The following THSD7B variants were observed in gnomAD, a reference collection of about 807,000 sequenced individuals.
The protein encoded by THSD7B is thrombospondin type 1 domain containing 7B.
Under a neutral mutation model 213.6 loss-of-function variants are expected in THSD7B, and 138 were observed. The observed-to-expected ratio is 0.65, with a 90% CI of 0.56 to 0.74. The LOEUF (loss-of-function observed/expected upper bound fraction) is 0.74. Among genes scored for constraint, THSD7B ranks in the 30% least tolerant of loss-of-function variants. The pLI is 0.00. For missense variants in THSD7B, 1,931 were observed against 1,991.5 expected, an observed-to-expected ratio of 0.97 and a Z score of 0.58; for synonymous variants, 742 against 687.0, an observed-to-expected ratio of 1.08 and a Z score of -1.25.
At chr2:137,038,600 G>C (rs1686821018) in intron 2 of THSD7B, among the ~76,000 whole-genome samples, 1 of 152,226 alleles carries the variant, frequency 6.6e-6, no homozygotes, top group African/African-American at 2.4e-5. Context: ...TTGTGTTTCT[G>C]TGGGGAAGAT....
In THSD7B at chr2:137,057,022, T is replaced by C. The variant is rs1342628643; in HGVS notation, c.742T>C (p.Trp248Arg). Residue 248 changes from tryptophan (W) to arginine (R), a missense_variant, in exon 3 of 28, where the codon TGG (tryptophan) becomes CGG (arginine). Transcript: ENST00000409968. ...TACATTTAGCCTTAAGGTTGGACCA[T>C]GGAGTAAATGCAGACTGCCTCATCT... ...EYTFSLKVGP[W>R]SKCRLPHLKE... 1.2e-6 allele frequency: 2 copies of C among 1,613,968 alleles called. No homozygotes were observed. Among genetic ancestry groups the C allele is most frequent in the Non-Finnish European group, 8.5e-7 (1 of 1,179,886 alleles).
chr2:137,520,653 C>A (rs1680167800), intron 15 of THSD7B, among the ~76,000 whole-genome samples: 2 of 152,212 alleles, frequency 1.3e-5, no homozygotes, highest in Non-Finnish European at 1.5e-5. Context: ...ACAAGCTCTT[C>A]AATTGCTTTC....
In THSD7B at chr2:137,616,319, A is replaced by G; in HGVS notation, c.3565+3A>G. 2 of 1,612,306 alleles carry G rather than the reference A, an allele frequency of 1.2e-6. No homozygotes were observed. The highest frequency in any genetic ancestry group is 1.7e-6 in the Non-Finnish European group (2 of 1,179,224). ...CCAGTTCCAGTACAATCTAACAGGT[A>G]CAGTTAAAATCTATGACCTTGTCGT... On this transcript the variant is annotated splice_donor_region_variant and intron_variant, in intron 18 of 27. Transcript: ENST00000409968.
chr2:137,327,534 T>C (rs532772613), intron 12 of THSD7B, among the ~76,000 whole-genome samples: 2 of 152,296 alleles, frequency 1.3e-5, no homozygotes, highest in Admixed American at 6.5e-5. Context: ...TCCCATTTAC[T>C]CTTTTCTTTT....
intron 2 of THSD7B, among the ~76,000 whole-genome samples, chr2:136,960,325 G>A (rs1685194936): frequency 6.6e-6 from 1 of 152,054 alleles, no homozygotes. Flanking sequence ...TTTTTGTAGA[G>A]ATGGGGTTTT....
intron 2 of THSD7B, among the ~76,000 whole-genome samples, chr2:137,020,532 G>A (rs1558889689): frequency 1.3e-5 from 2 of 152,080 alleles, no homozygotes; most frequent in South Asian, 2.1e-4. Context: ...CAGCAAGTTC[G>A]TCTGTGCCAG....
At chr2:137,564,611 G>C (rs958725836) in intron 16 of THSD7B, among the ~76,000 whole-genome samples, 3 of 152,122 alleles carry the variant, frequency 2.0e-5, no homozygotes, top group Admixed American at 2.0e-4. Context: ...ATGTAAATGA[G>C]CTGTGGCATC....
At chr2:137,190,086 G>T (rs1243271530) in intron 7 of THSD7B, among the ~76,000 whole-genome samples, 2 of 152,114 alleles carry the variant, frequency 1.3e-5, no homozygotes, top group Admixed American at 6.5e-5. Context: ...TAATAAGGGG[G>T]AATAGCCCAC....
intron 2 of THSD7B, among the ~76,000 whole-genome samples, chr2:137,037,610 A>G (rs1193186980): frequency 6.6e-6 from 1 of 152,084 alleles, no homozygotes; most frequent in Non-Finnish European, 1.5e-5. Context: ...ACAGGTGGGG[A>G]ATTGCAGAGG....
rs186323932 is a variant in THSD7B, at chr2:137,396,975, G to T, written c.2501-8638G>T. 2.2e-3 allele frequency among the ~76,000 whole-genome samples: 275 copies of T among 127,014 alleles called. 22 individuals carry two copies. The highest frequency in any genetic ancestry group is 4.4e-3 in the African/African-American group (153 of 34,624). 83.3% of individuals were successfully genotyped at this position (127,014 alleles called of 152,430 possible). On this transcript the variant is annotated intron_variant, in intron 12 of 27. Coordinates refer to ENST00000409968, the MANE Select transcript of THSD7B (RefSeq NM_001316349.2). ...GTTTTAAGTCTGTTTTATCAGAGAC[G>T]AGGATTGCAACCCCTGCCTTTTTTT...
At chr2:137,436,802 G>A (rs2105047813) in intron 14 of THSD7B, among the ~76,000 whole-genome samples, 1 of 152,184 alleles carries the variant, frequency 6.6e-6, no homozygotes, top group South Asian at 2.1e-4. Flanking sequence ...TGGTGAGAAT[G>A]TTTTCTTTCT....
chr2:136,927,202 C>T (rs887328256), intron 2 of THSD7B, among the ~76,000 whole-genome samples: 31 of 151,526 alleles, frequency 2.0e-4, no homozygotes, highest in Admixed American at 1.9e-3. Context: ...TTGCTTCTCC[C>T]TCCCACTGTT....
intron 12 of THSD7B, among the ~76,000 whole-genome samples, chr2:137,321,965 T>C (rs1403371949): frequency 3.9e-5 from 6 of 152,170 alleles, no homozygotes; most frequent in Non-Finnish European, 8.8e-5. Flanking sequence ...CATTGAGACA[T>C]TATGGGGAAG....
At chr2:137,414,073 A>G (rs1558789566) in intron 14 of THSD7B, among the ~76,000 whole-genome samples, 1 of 152,194 alleles carries the variant, frequency 6.6e-6, no homozygotes, top group Non-Finnish European at 1.5e-5. Context: ...TTAGAAAATA[A>G]TCATTTCAGG....
At chr2:137,307,337 C>A (rs917993829) in intron 12 of THSD7B, among the ~76,000 whole-genome samples, 4 of 152,008 alleles carry the variant, frequency 2.6e-5, no homozygotes, top group East Asian at 1.9e-4. Context: ...CAGGGTAACT[C>A]GCAGCCCGCC....
At chr2:137,275,827 T>A (rs1469164152) in intron 11 of THSD7B, 96 bp from the exon 12 acceptor site, 3 of 875,040 alleles carry the variant, frequency 3.4e-6, no homozygotes, top group Non-Finnish European at 5.2e-6. Flanking sequence ...ATTGAATTAC[T>A]GTCTTTACTT....
intron 14 of THSD7B, among the ~76,000 whole-genome samples, chr2:137,422,752 A>G (rs1275982169): frequency 1.3e-5 from 2 of 152,166 alleles, no homozygotes; most frequent in Non-Finnish European, 2.9e-5. Flanking sequence ...TTTTTTAATT[A>G]CACTGAAGGA....
chr2:136,827,357 A>G (rs1032386869), intron 1 of THSD7B, among the ~76,000 whole-genome samples: 4 of 152,234 alleles, frequency 2.6e-5, no homozygotes, highest in Non-Finnish European at 5.9e-5. Flanking sequence ...CTGAGCTGTT[A>G]GGATATACAG....
intron 5 of THSD7B, among the ~76,000 whole-genome samples, chr2:137,141,314 T>C (rs1408167936): frequency 5.3e-5 from 8 of 152,130 alleles, no homozygotes; most frequent in Admixed American, 5.2e-4. Flanking sequence ...AGGATACATC[T>C]TCTGTAGAGA....
Sources: gnomAD v4.1 joint callset for allele counts (sites outside exome capture counted in the v4.1 genomes callset) on GRCh38, gnomAD v4.1.1 for gene constraint, MANE v1.5 for transcripts, NCBI Gene and HGNC (gene_info 2026-07-23, HGNC 2026-07-21) for gene names.